The following UGT2A1 variants were observed in gnomAD, a reference collection of about 807,000 sequenced individuals.
The protein encoded by UGT2A1 is UDP-glucuronosyltransferase 2A1.
Under a neutral mutation model 45.4 loss-of-function variants are expected in UGT2A1, and 61 were observed. The ratio of observed to expected loss-of-function variants is 1.34; its 90% CI spans 1.09 to 1.66. UGT2A1 has a LOEUF of 1.66. Ranked by LOEUF, UGT2A1 falls within the 40% of genes most tolerant of loss-of-function variation. The pLI is 0.00. For missense variants in UGT2A1, 649 were observed against 574.3 expected (o/e 1.13, Z -1.33); for synonymous variants, 229 against 196.2 (o/e 1.17, Z -1.40).
intron 3 of UGT2A1, among the ~76,000 whole-genome samples, chr4:69,606,061 T>G (rs1719591939): frequency 7.3e-6 from 1 of 136,808 alleles, no homozygotes; most frequent in African/African-American, 3.0e-5. Context: ...GAATCCTCCT[T>G]AAATCATTTT....
At chr4:69,595,360 A>G in intron 4 of UGT2A1, 111 bp from the exon 5 acceptor site, 4 of 1,272,892 alleles carry the variant, frequency 3.1e-6, no homozygotes, top group South Asian at 1.4e-5. Context: ...CGGGAATTAC[A>G]TAAGCAGTAG....
At position 69,594,525 on chromosome 4, in the gene UGT2A1, G is replaced by C; in HGVS notation, c.1256C>G (p.Thr419Arg). The C allele has an allele frequency of 1.9e-6, 3 of 1,614,164 alleles. No individual in the cohort carries two copies. Among genetic ancestry groups the C allele is most frequent in the Non-Finnish European group, 1.7e-6 (2 of 1,180,028 alleles). Residue 419 changes from threonine to arginine, a missense_variant, in exon 6 of 7, where the codon ACA becomes AGA. By Grantham distance (71) the Thr-to-Arg change is moderately conservative (BLOSUM62 -1). Transcript: ENST00000286604. ...CAAAGCGCTAAGCAAATCCACACTT[G>C]TCATTGTGTTTAGGTTCACTTCCAC... ...AAVEVNLNTM[T>R]SVDLLSALRT...
At chr4:69,631,517 T>C (rs17680131) in intron 3 of UGT2A1, among the ~76,000 whole-genome samples, 1 of 151,902 alleles carries the variant, frequency 6.6e-6, no homozygotes, top group African/African-American at 2.4e-5. Context: ...TAATGAGAAA[T>C]AGTTTAGTTA....
chr4:69,626,038 C>T (rs568692903), intron 3 of UGT2A1, among the ~76,000 whole-genome samples: 2 of 151,652 alleles, frequency 1.3e-5, no homozygotes, highest in South Asian at 4.1e-4. Context: ...TATGTCATGA[C>T]TGTGAACTTG....
intron 6 of UGT2A1, among the ~76,000 whole-genome samples, chr4:69,590,786 T>TTTTCCTATAAAAGCATG (rs1173042251): frequency 6.6e-6 from 1 of 152,172 alleles, no homozygotes; most frequent in Non-Finnish European, 1.5e-5. Context: ...AGAAAGCATG[T>TTTTCCTATAAAAGCATG]TTTCCTATAA....
intron 3 of UGT2A1, among the ~76,000 whole-genome samples, chr4:69,631,073 T>C (rs909070097): frequency 6.6e-6 from 1 of 152,124 alleles, no homozygotes; most frequent in African/African-American, 2.4e-5. Flanking sequence ...ACTATAACAC[T>C]ACTTTCTCAT....
rs778611239 is a variant in UGT2A1, at chr4:69,589,616, T to G, written c.1340A>C (p.His447Pro). ...KENAMRLSRI[H>P]HDQPVKPLDR... ...CAGGGGCTTTACAGGTTGATCATGG[T>G]GAATTCTTGATAACCTCATAGCATT... The change falls in exon 7 of 7, where the codon CAC becomes CCC. Residue 447 changes from histidine (H) to proline (P), a missense_variant. His to Pro is a moderately conservative substitution (Grantham distance 77). Coordinates refer to ENST00000286604, the MANE Select transcript of UGT2A1 (RefSeq NM_001252275.3). The G allele has an allele frequency of 1.1e-5, 18 of 1,613,830 alleles. No homozygotes were observed. The highest frequency in any genetic ancestry group is 1.4e-5 in the Non-Finnish European group (16 of 1,179,866).
chr4:69,650,965 A>C (rs1441703471), intron 1 of UGT2A1, among the ~76,000 whole-genome samples: 1 of 152,170 alleles, frequency 6.6e-6, no homozygotes, highest in African/African-American at 2.4e-5. Context: ...CAAAAAGGCA[A>C]TTGCTGTTAT....
chr4:69,597,317 A>G (rs1036600023), intron 4 of UGT2A1, among the ~76,000 whole-genome samples: 3 of 152,302 alleles, frequency 2.0e-5, no homozygotes, highest in Admixed American at 6.5e-5. Flanking sequence ...ATAAGCTGCC[A>G]TGAGTGTGAT....
At chr4:69,652,123 G>A (rs559993036) in intron 1 of UGT2A1, among the ~76,000 whole-genome samples, 1 of 152,260 alleles carries the variant, frequency 6.6e-6, no homozygotes, top group Admixed American at 6.5e-5. Flanking sequence ...GAGGAGGCAA[G>A]AATTGAAGTT....
intron 3 of UGT2A1, among the ~76,000 whole-genome samples, chr4:69,629,142 T>A (rs1225551846): frequency 6.6e-6 from 1 of 151,904 alleles, no homozygotes. Context: ...ATTTTGCAGA[T>A]TCAGTGATAT....
At chr4:69,626,271 G>A (rs953260137) in intron 3 of UGT2A1, among the ~76,000 whole-genome samples, 1 of 150,326 alleles carries the variant, frequency 6.7e-6, no homozygotes, top group Non-Finnish European at 1.5e-5. Flanking sequence ...ATTTTATTTC[G>A]GAGTAAATTT....
Position 69,639,039 on chromosome 4 carries a change from T to C in UGT2A1, c.716-3217A>G, listed in dbSNP as rs570367649. 4.3e-6 allele frequency: 7 copies of C among 1,613,270 alleles called. No individual in the cohort carries two copies. Among genetic ancestry groups the C allele is most frequent in the East Asian group, 2.2e-5 (1 of 44,874 alleles). ...GAGCTCTGATAAGGCTGCCGGTACATAGGAGACTGGTGCTGGGATTTTCCC... is the reference window on the plus strand; with the variant it reads ...GAGCTCTGATAAGGCTGCCGGTACACAGGAGACTGGTGCTGGGATTTTCCC... On this transcript the variant is annotated intron_variant, in intron 2 of 6. Coordinates refer to ENST00000286604, the MANE Select transcript of UGT2A1 (RefSeq NM_001252275.3).
Position 69,589,372 on chromosome 4 carries a change from C to G in UGT2A1, c.1584G>C (p.Ter528TyrextTer11), listed in dbSNP as rs750324269. Reference sequence around the variant, plus strand: ...ATATATATTTCCTCTTTTTCTTGACCTATTCTCTTTTTTTCTTCTTTCCTA... The same window carrying G: ...ATATATATTTCCTCTTTTTCTTGACGTATTCTCTTTTTTTCTTCTTTCCTA... ...GKIGKKKKRE* is the reference protein window; with the variant it reads ...GKIGKKKKREY The change falls in exon 7 of 7, where the codon TAG becomes TAC. Residue 528 changes from the stop codon to tyrosine, a stop_lost. Transcript: ENST00000286604. 1 of 1,607,916 alleles carries G rather than the reference C, an allele frequency of 6.2e-7. No homozygotes were observed. The highest frequency in any genetic ancestry group is 8.5e-7 in the Non-Finnish European group (1 of 1,177,144).
chr4:69,591,898 C>A (rs560343237), intron 6 of UGT2A1, among the ~76,000 whole-genome samples: 2 of 152,222 alleles, frequency 1.3e-5, no homozygotes, highest in East Asian at 3.9e-4. Context: ...TCATACTGAG[C>A]CTTGCTGAAG....
chr4:69,650,400 A>T (rs1722467805), intron 1 of UGT2A1, among the ~76,000 whole-genome samples: 1 of 152,184 alleles, frequency 6.6e-6, no homozygotes, highest in African/African-American at 2.4e-5. Flanking sequence ...TATAGTCAGC[A>T]AGATATTAAA....
intron 3 of UGT2A1, among the ~76,000 whole-genome samples, chr4:69,618,123 C>T (rs947742733): frequency 3.3e-5 from 5 of 150,256 alleles, no homozygotes; most frequent in African/African-American, 9.8e-5. Flanking sequence ...ATTTAGTATC[C>T]GTGTACGTAA....
At chr4:69,597,117 T>G (rs1334641407) in intron 4 of UGT2A1, among the ~76,000 whole-genome samples, 2 of 152,196 alleles carry the variant, frequency 1.3e-5, no homozygotes, top group Non-Finnish European at 2.9e-5. Flanking sequence ...ATTAATAAAT[T>G]TATCGGTTCC....
intron 1 of UGT2A1, among the ~76,000 whole-genome samples, chr4:69,651,169 TAGA>T (rs1722506230): frequency 6.6e-6 from 1 of 152,190 alleles, no homozygotes; most frequent in South Asian, 2.1e-4. Context: ...TCGAATTTAA[TAGA>T]AAACTAAATG....
Sources: gnomAD v4.1 joint callset for allele counts (sites outside exome capture counted in the v4.1 genomes callset) on GRCh38, gnomAD v4.1.1 for gene constraint, MANE v1.5 for transcripts, NCBI Gene and HGNC (gene_info 2026-07-23, HGNC 2026-07-21) for gene names.